Variants in ACTR3C observed in about 807,000 individuals in gnomAD.
ACTR3C encodes the protein actin related protein 3C, also known as actin-related protein 3C.
In ACTR3C, 18 loss-of-function variants were observed where a neutral mutation model predicts 26.3. The observed-to-expected ratio is 0.68, with a 90% CI of 0.47 to 1.01. The LOEUF is 1.01. Among genes scored for constraint, ACTR3C ranks in the 50% least tolerant of loss-of-function variants. ACTR3C has a pLI of 0.00. For synonymous variants in ACTR3C, 55 were observed against 94.5 expected, an observed-to-expected ratio of 0.58 and a Z score of 2.42; for missense variants, 184 against 250.7, an observed-to-expected ratio of 0.73 and a Z score of 1.80.
At chr7:150,032,349 G>A in the ACTR3C span, among the ~76,000 whole-genome samples, 36 of 152,288 alleles carry the variant, frequency 2.4e-4, no homozygotes, top group Non-Finnish European at 4.0e-4. Context: ...GACGCTGCAA[G>A]GTCTGCAGAA....
chr7:150,322,471 G>A (rs887583978), intron 1 of ACTR3C, among the ~76,000 whole-genome samples: 2 of 152,230 alleles, frequency 1.3e-5, no homozygotes, highest in Non-Finnish European at 2.9e-5. Flanking sequence ...GCATTAGCAT[G>A]CTAAAAGACA....
chr7:150,193,948 TAA>T, the ACTR3C span, among the ~76,000 whole-genome samples: 1 of 141,604 alleles, frequency 7.1e-6, no homozygotes, highest in African/African-American at 2.7e-5. Flanking sequence ...ATGCCTGCTT[TAA>T]AAAAATATAT....
At chr7:150,294,353 A>C (rs1351025854) in intron 2 of ACTR3C, among the ~76,000 whole-genome samples, 1 of 152,246 alleles carries the variant, frequency 6.6e-6, no homozygotes, top group Non-Finnish European at 1.5e-5. Flanking sequence ...TGAGGGTGGA[A>C]AACCCTGGTC....
the ACTR3C span, among the ~76,000 whole-genome samples, chr7:150,027,272 C>CTGTTT: frequency 1.3e-5 from 2 of 152,100 alleles, no homozygotes; most frequent in African/African-American, 4.8e-5. Context: ...ATATGAGAAA[C>CTGTTT]TGTTTTGTTT....
At chr7:150,164,021 G>A in the ACTR3C span, among the ~76,000 whole-genome samples, 1 of 152,238 alleles carries the variant, frequency 6.6e-6, no homozygotes, top group Non-Finnish European at 1.5e-5. Flanking sequence ...CCAGGGACAA[G>A]TGGATAAATA....
At chr7:150,102,652 T>G in the ACTR3C span, among the ~76,000 whole-genome samples, 2 of 152,088 alleles carry the variant, frequency 1.3e-5, no homozygotes, top group African/African-American at 4.8e-5. Context: ...ACTGTCACCT[T>G]CGCGGAGACA....
chr7:150,260,202 A>G (rs1167920471), intron 6 of ACTR3C, among the ~76,000 whole-genome samples: 1 of 152,232 alleles, frequency 6.6e-6, no homozygotes, highest in Non-Finnish European at 1.5e-5. Flanking sequence ...TACAGAAAAA[A>G]GTTTGCCAAT....
the ACTR3C span, among the ~76,000 whole-genome samples, chr7:150,018,930 T>TGC: frequency 1.3e-5 from 2 of 150,334 alleles, no homozygotes; most frequent in East Asian, 3.9e-4. Flanking sequence ...TGTGTGTGTG[T>TGC]ACATATGCAC....
At chr7:149,996,442 C>A in the ACTR3C span, among the ~76,000 whole-genome samples, 3 of 149,658 alleles carry the variant, frequency 2.0e-5, no homozygotes, top group East Asian at 5.9e-4. Flanking sequence ...GAGTTAAGAA[C>A]AGAAGAAAAG....
At chr7:150,115,349 C>T in the ACTR3C span, among the ~76,000 whole-genome samples, 2 of 152,274 alleles carry the variant, frequency 1.3e-5, no homozygotes, top group African/African-American at 2.4e-5. Flanking sequence ...CTGGGGATGC[C>T]TTGGGCCACC....
intron 2 of ACTR3C, among the ~76,000 whole-genome samples, chr7:150,294,011 T>C (rs1490391678): frequency 1.3e-5 from 2 of 152,202 alleles, no homozygotes; most frequent in Non-Finnish European, 2.9e-5. Flanking sequence ...TATTTCATTA[T>C]AGAATCATAA....
the ACTR3C span, chr7:149,881,410 A>G: frequency 3.9e-5 from 6 of 153,194 alleles, no homozygotes; most frequent in East Asian, 1.2e-3. Context: ...AGGACAGAGA[A>G]GCGAGGGGGG....
the ACTR3C span, among the ~76,000 whole-genome samples, chr7:150,144,921 G>A: frequency 6.6e-6 from 1 of 151,884 alleles, no homozygotes; most frequent in Non-Finnish European, 1.5e-5. This position sits in a 1 kb window ranked among gnomAD's most constrained non-coding sequence, Gnocchi z 4.6. Flanking sequence ...GTGGTGGCGT[G>A]CTCCTGTAGT....
chr7:149,924,862 A>G, the ACTR3C span, among the ~76,000 whole-genome samples: 3 of 152,146 alleles, frequency 2.0e-5, no homozygotes, highest in Non-Finnish European at 4.4e-5. Flanking sequence ...TCCTGGCCTC[A>G]AGTGATCTGC....
At chr7:150,006,404 A>T in the ACTR3C span, among the ~76,000 whole-genome samples, 3 of 147,424 alleles carry the variant, frequency 2.0e-5, no homozygotes, top group East Asian at 5.9e-4. Flanking sequence ...TCACTGTGTT[A>T]GCCAGGATGG....
chr7:150,255,286 T>C (rs1455602833), intron 6 of ACTR3C, among the ~76,000 whole-genome samples: 5 of 148,410 alleles, frequency 3.4e-5, no homozygotes, highest in Non-Finnish European at 5.9e-5. Flanking sequence ...GTTTTTCTCT[T>C]ATGGAGCAGG....
chr7:150,130,708 G>C, the ACTR3C span, among the ~76,000 whole-genome samples: 1 of 152,160 alleles, frequency 6.6e-6, no homozygotes, highest in African/African-American at 2.4e-5. Flanking sequence ...ATTCAAATTA[G>C]CTAAGAACAG....
At chr7:150,016,010 C>T in the ACTR3C span, among the ~76,000 whole-genome samples, 1 of 151,446 alleles carries the variant, frequency 6.6e-6, no homozygotes, top group Non-Finnish European at 1.5e-5. Context: ...AAAGGCTTGG[C>T]CCTTTCTACA....
At chr7:150,007,848 C>T in the ACTR3C span, among the ~76,000 whole-genome samples, 2 of 151,986 alleles carry the variant, frequency 1.3e-5, no homozygotes, top group Non-Finnish European at 2.9e-5. Context: ...TAGTATTGTC[C>T]TCACTTTACT....
Sources: allele counts gnomAD v4.1 joint callset (sites outside exome capture counted in the v4.1 genomes callset), GRCh38; gene constraint gnomAD v4.1.1; non-coding constraint Gnocchi (gnomAD v3.1); transcripts MANE v1.5; gene names NCBI Gene and HGNC (gene_info 2026-07-23, HGNC 2026-07-21).